Variants in CD274 observed in about 807,000 individuals in gnomAD.
CD274 encodes the protein CD274 molecule, also known as programmed cell death 1 ligand 1.
A neutral mutation model predicts 30.1 loss-of-function variants in CD274; 8 were observed. The observed-to-expected ratio is 0.27, with a 90% CI of 0.16 to 0.48. The LOEUF (loss-of-function observed/expected upper bound fraction) is 0.48. Ranked by LOEUF, CD274 falls within the 20% of genes least tolerant of loss-of-function variation. CD274 has a pLI of 0.99. For missense variants in CD274, 353 were observed against 346.6 expected (o/e 1.02, Z -0.15); for synonymous variants, 152 against 124.6 (o/e 1.22, Z -1.46).
intron 1 of CD274, among the ~76,000 whole-genome samples, chr9:5,452,718 A>G (rs936117812): frequency 3.3e-5 from 5 of 152,182 alleles, no homozygotes; most frequent in African/African-American, 1.2e-4. Flanking sequence ...TAAATATTGG[A>G]TCTAATCCAT....
chr9:5,454,141 A>G (rs774044587), intron 1 of CD274, among the ~76,000 whole-genome samples: 13 of 152,188 alleles, frequency 8.5e-5, no homozygotes, highest in Non-Finnish European at 1.6e-4. Flanking sequence ...TCTGCTAAAC[A>G]TTCTACGGTT....
At chr9:5,453,499 G>A (rs1819244626) in intron 1 of CD274, among the ~76,000 whole-genome samples, 2 of 152,086 alleles carry the variant, frequency 1.3e-5, no homozygotes, top group African/African-American at 2.4e-5. Context: ...GGCACTCAAC[G>A]AATATTTGCT....
Position 5,467,961 on chromosome 9 carries a change from G to A in CD274, c.*99G>A, listed in dbSNP as rs959102664. ...TGACAAGAGGAAGGAATGGGCCCGT[G>A]GGATGCAGGCAATGTGGGACTTAAA... On this transcript the variant is annotated 3_prime_UTR_variant, in exon 7 of 7. Coordinates refer to ENST00000381577, the MANE Select transcript of CD274 (RefSeq NM_014143.4). 22 of 999,346 alleles carry A rather than the reference G, an allele frequency of 2.2e-5. No homozygotes were observed. In the African/African-American group the frequency reaches 3.4e-4, roughly 15 times the overall value. The allele number at this position is 999,346 out of a possible 1,614,324, so 61.9% of individuals were successfully genotyped here. A position where few individuals can be genotyped will look rare whatever the true frequency, so the allele number is the denominator to read the frequency against.
At chr9:5,450,726 A>G (rs901530606) in intron 1 of CD274, 130 bp downstream of exon 1, 5 of 152,290 alleles carry the variant, frequency 3.3e-5, no homozygotes, top group Admixed American at 3.3e-4. Context: ...AGGGAACGCG[A>G]TGGTCTAGGG....
intron 4 of CD274, 138 bp from the exon 5 acceptor site, chr9:5,465,361 T>A: frequency 1.7e-6 from 1 of 591,434 alleles, no homozygotes; most frequent in East Asian, 2.9e-5. Context: ...TATCTCGCCA[T>A]TCCAGCCACT....
rs1051119114 is a variant in CD274, at chr9:5,467,890, G to A, written c.*28G>A. 1.3e-6 allele frequency: 2 copies of A among 1,598,956 alleles called. No individual in the cohort carries two copies. The highest frequency in any genetic ancestry group is 3.3e-5 in the Admixed American group (2 of 59,964). On this transcript the variant is annotated 3_prime_UTR_variant, in exon 7 of 7. Coordinates refer to ENST00000381577, the MANE Select transcript of CD274 (RefSeq NM_014143.4). The stretch of plus-strand genomic sequence containing the variant: ...CAGCATTGGAACTTCTGATCTTCAA[G>A]CAGGGATTCTCAACCTGTGGTTTAG...
In CD274 at chr9:5,463,241, A is replaced by G. The variant is rs190149363; in HGVS notation, c.682+120A>G. ...AATAAATGAATGAATGAATAACACT[A>G]TGTTTACAAAATATATCCTAATTCC... On this transcript the variant is annotated intron_variant, in intron 4 of 6. Coordinates refer to ENST00000381577, the MANE Select transcript of CD274 (RefSeq NM_014143.4). 3,301 of 771,172 alleles carry G rather than the reference A, an allele frequency of 4.3e-3. 10 individuals are homozygous for G. Among genetic ancestry groups the G allele is most frequent in the Non-Finnish European group, 6.0e-3 (2,780 of 460,230 alleles). 47.8% of individuals were successfully genotyped at this position (771,172 alleles called of 1,614,324 possible). A position where few individuals can be genotyped will look rare whatever the true frequency, so the allele number is the denominator to read the frequency against.
intron 4 of CD274, 90 bp downstream of exon 4, chr9:5,463,211 T>G: frequency 1.0e-6 from 1 of 994,202 alleles, no homozygotes; most frequent in Non-Finnish European, 1.6e-6. Context: ...ATTCAGTGAT[T>G]GTTGAATAAA....
intron 1 of CD274, among the ~76,000 whole-genome samples, chr9:5,455,660 G>A (rs1819288159): frequency 1.3e-5 from 2 of 152,208 alleles, no homozygotes; most frequent in South Asian, 4.1e-4. Context: ...TAAGATGAAA[G>A]TATTTAGCTG....
At chr9:5,467,705 A>T in intron 6 of CD274, 135 bp from the exon 7 acceptor site, 1 of 803,802 alleles carries the variant, frequency 1.2e-6, no homozygotes, top group Non-Finnish European at 2.2e-6. Flanking sequence ...TACAAATATA[A>T]CCTGCTGCTT....
intron 6 of CD274, 36 bp downstream of exon 6, chr9:5,466,865 A>ATTTTT: frequency 6.8e-7 from 1 of 1,469,548 alleles, no homozygotes; most frequent in Non-Finnish European, 9.5e-7. Flanking sequence ...AGTAAAAGTC[A>ATTTTT]AAGGAAACAA....
intron 3 of CD274, among the ~76,000 whole-genome samples, chr9:5,459,363 C>G (rs973691698): frequency 6.6e-6 from 1 of 152,200 alleles, no homozygotes; most frequent in African/African-American, 2.4e-5. Context: ...GCACTTAGAA[C>G]AAGGCAACCA....
chr9:5,468,938 AG>A lies in CD274; in HGVS notation c.*1077del, dbSNP rs1416295898. On this transcript the variant is annotated 3_prime_UTR_variant, in exon 7 of 7. Coordinates refer to ENST00000381577, the MANE Select transcript of CD274 (RefSeq NM_014143.4). ...GAATCTACAGATGTGAGCAAGACAA[AG>A]TACCTGTCCTCAAGGAGCTCATAGT... 4 of 233,054 alleles carry A rather than the reference AG, an allele frequency of 1.7e-5. No individual in the cohort carries two copies. Among genetic ancestry groups the A allele is most frequent in the Non-Finnish European group, 3.4e-5 (4 of 117,954 alleles). The allele number at this position is 233,054 out of a possible 1,614,324, so 14.4% of individuals were successfully genotyped here.
At chr9:5,464,116 AAG>A (rs1240108788) in intron 4 of CD274, among the ~76,000 whole-genome samples, 2 of 152,178 alleles carry the variant, frequency 1.3e-5, no homozygotes, top group African/African-American at 2.4e-5. Flanking sequence ...TGTGAACAGA[AAG>A]AGGGGGAAAA....
intron 3 of CD274, among the ~76,000 whole-genome samples, chr9:5,458,173 T>A (rs963550203): frequency 6.6e-6 from 1 of 152,190 alleles, no homozygotes; most frequent in Non-Finnish European, 1.5e-5. Flanking sequence ...GAGTTCAAAG[T>A]TTTGTGTTGG....
In CD274 at chr9:5,469,245, G is replaced by T. The variant is rs1171218371; in HGVS notation, c.*1383G>T. The stretch of plus-strand genomic sequence containing the variant: ...GCCTTTGCCATATAATCTAATGCTT[G>T]TTTATATAGTGTCTGGTATTGTTTA... On this transcript the variant is annotated 3_prime_UTR_variant, in exon 7 of 7. Coordinates refer to ENST00000381577, the MANE Select transcript of CD274 (RefSeq NM_014143.4). 1 of 232,710 alleles carries T rather than the reference G, an allele frequency of 4.3e-6. No homozygotes were observed. The allele number at this position is 232,710 out of a possible 1,614,324, so 14.4% of individuals were successfully genotyped here. A position where few individuals can be genotyped will look rare whatever the true frequency, so the allele number is the denominator to read the frequency against.
At chr9:5,463,737 G>A (rs960536296) in intron 4 of CD274, among the ~76,000 whole-genome samples, 9 of 152,200 alleles carry the variant, frequency 5.9e-5, no homozygotes, top group Non-Finnish European at 1.5e-5. Context: ...CTAGACTTCT[G>A]TGTGCTTCAC....
intron 3 of CD274, among the ~76,000 whole-genome samples, chr9:5,460,320 G>A (rs1398879648): frequency 6.6e-6 from 1 of 152,100 alleles, no homozygotes; most frequent in African/African-American, 2.4e-5. Context: ...TGCTACTATC[G>A]AGTACTACTA....
rs765308977 is a variant in CD274, at chr9:5,469,093, G to T, written c.*1231G>T. The T allele has an allele frequency of 1.7e-5, 4 of 233,042 alleles. No individual in the cohort carries two copies. Among genetic ancestry groups the T allele is most frequent in the Non-Finnish European group, 3.4e-5 (4 of 117,924 alleles). The allele number at this position is 233,042 out of a possible 1,614,324, so 14.4% of individuals were successfully genotyped here. On this transcript the variant is annotated 3_prime_UTR_variant, in exon 7 of 7. Transcript: ENST00000381577. Reference sequence around the variant, plus strand: ...GAAATAGGCCAATGTGGTCTGGGACGGTTGGATATACTTAAACATCTTAAT... The same window carrying T: ...GAAATAGGCCAATGTGGTCTGGGACTGTTGGATATACTTAAACATCTTAAT...
Sources: allele counts gnomAD v4.1 joint callset (sites outside exome capture counted in the v4.1 genomes callset), GRCh38; gene constraint gnomAD v4.1.1; transcripts MANE v1.5; gene names NCBI Gene and HGNC (gene_info 2026-07-23, HGNC 2026-07-21).